Variants in AKAP8L observed in about 807,000 individuals in gnomAD.
AKAP8L encodes the protein A-kinase anchoring protein 8 like, also known as A-kinase anchor protein 8-like.
Under a neutral mutation model 77.5 loss-of-function variants are expected in AKAP8L, and 34 were observed. The ratio of observed to expected loss-of-function variants is 0.44; its 90% CI spans 0.33 to 0.58. The LOEUF is 0.58. AKAP8L is among the 20% of genes least tolerant of loss of function. The pLI is 0.02. For missense variants in AKAP8L, 806 were observed against 887.6 expected (o/e 0.91, Z 1.17); for synonymous variants, 342 against 340.7 (o/e 1.00, Z -0.04).
chr19:15,387,435 A>G (rs1220957550), intron 12 of AKAP8L, among the ~76,000 whole-genome samples: 2 of 152,026 alleles, frequency 1.3e-5, no homozygotes, highest in Non-Finnish European at 2.9e-5. Flanking sequence ...TTAAAAGGAC[A>G]TTGATAGCTT....
chr19:15,385,107 A>G (rs1235596175), intron 12 of AKAP8L, among the ~76,000 whole-genome samples: 1 of 151,922 alleles, frequency 6.6e-6, no homozygotes, highest in Non-Finnish European at 1.5e-5. Flanking sequence ...CCTCCCAAGT[A>G]GCTGGGACTA....
chr19:15,397,897 C>T lies in AKAP8L; in HGVS notation c.1158-42G>A. ...ACGAGGGGCTGAGGCTGCAAGTGTC[C>T]CAGGGGATAGTGCTGCCGCCTCACC... On this transcript the variant is annotated intron_variant, in intron 9 of 13. Transcript: ENST00000397410. The surrounding 1 kb of genome is among the most constrained non-coding windows in gnomAD (Gnocchi z 4.7). 3 of 1,602,036 alleles carry T rather than the reference C, an allele frequency of 1.9e-6. No individual in the cohort carries two copies. Among genetic ancestry groups the T allele is most frequent in the Non-Finnish European group, 2.6e-6 (3 of 1,174,690 alleles).
intron 7 of AKAP8L, 100 bp downstream of exon 7, chr19:15,400,694 G>A (rs1967874521): frequency 7.2e-7 from 1 of 1,383,576 alleles, no homozygotes; most frequent in Non-Finnish European, 1.0e-6. Context: ...CATGCACGCA[G>A]AGCTGACACA....
intron 1 of AKAP8L, among the ~76,000 whole-genome samples, chr19:15,414,210 A>C (rs1023232946): frequency 4.0e-5 from 6 of 151,840 alleles, no homozygotes; most frequent in African/African-American, 1.5e-4. Flanking sequence ...GATTACAGGC[A>C]TGCGCCACTA....
In AKAP8L at chr19:15,412,789, G is replaced by A. The variant is rs183606709; in HGVS notation, c.14-2195C>T. ...GATCTCCTAACCTTGTGATCCGCCC[G>A]CCTTGGCCTCCCAAAGTGCTGGGAT... On this transcript the variant is annotated intron_variant, in intron 1 of 13. Coordinates refer to ENST00000397410, the MANE Select transcript of AKAP8L (RefSeq NM_014371.4). Among the ~76,000 whole-genome samples the A allele has an allele frequency of 4.1e-4, 62 of 152,274 alleles. 2 individuals carry two copies. In the East Asian group the frequency reaches 8.5e-3, roughly 21 times the overall value.
In AKAP8L at chr19:15,411,792, C is replaced by T. The variant is rs549134635; in HGVS notation, c.14-1198G>A. On this transcript the variant is annotated intron_variant, in intron 1 of 13. Transcript: ENST00000397410. ...TTAGGGCTGGATGCAGTGGCTCATG[C>T]CTGTACTCACAGTACTTTGGGAGGC... Among the ~76,000 whole-genome samples the T allele has an allele frequency of 3.6e-4, 55 of 152,240 alleles. No homozygotes were observed. In the East Asian group the frequency reaches 0.01, roughly 29 times the overall value.
intron 4 of AKAP8L, among the ~76,000 whole-genome samples, chr19:15,402,023 G>T (rs917177432): frequency 2.0e-5 from 3 of 152,202 alleles, no homozygotes; most frequent in Admixed American, 6.5e-5. Flanking sequence ...CAATGAATGC[G>T]CAGCCAGTGA....
At position 15,401,418 on chromosome 19, in the gene AKAP8L, C is replaced by T. The variant is rs1208585871; in HGVS notation, c.548G>A (p.Trp183Ter). Residue 183 changes from tryptophan to a stop codon, truncating the protein, a stop_gained, in exon 5 of 14, where the codon TGG becomes TAG. Transcript: ENST00000397410. LOFTEE classifies it high-confidence loss of function. The surrounding 1 kb of genome is among the most constrained non-coding windows in gnomAD (Gnocchi z 6.2). ...CCGGCCGCTCCGGGCATCCCGGGCC[C>T]AGCCCTGTGCCCTGGGACCGAAGGT... is the stretch of plus-strand genomic sequence containing the variant. Reference protein sequence around the residue: ...NDTFGPRAQGWARDARSGRPM... With the variant: ...NDTFGPRAQG The T allele has an allele frequency of 6.2e-7, 1 of 1,613,332 alleles. No homozygotes were observed. Among genetic ancestry groups the T allele is most frequent in the Non-Finnish European group, 8.5e-7 (1 of 1,179,890 alleles).
chr19:15,381,548 T>A (rs1396744538), intron 12 of AKAP8L, among the ~76,000 whole-genome samples: 1 of 152,188 alleles, frequency 6.6e-6, no homozygotes, highest in Non-Finnish European at 1.5e-5. Flanking sequence ...GAGAGCCCAT[T>A]GAGTCCTTCC....
intron 1 of AKAP8L, among the ~76,000 whole-genome samples, chr19:15,416,540 T>C (rs543404005): frequency 6.6e-6 from 1 of 152,326 alleles, no homozygotes; most frequent in South Asian, 2.1e-4. Context: ...ACCTCCAGCC[T>C]CAGTCAGGCT....
At position 15,385,840 on chromosome 19, in the gene AKAP8L, C is replaced by T. The variant is rs543305085; in HGVS notation, c.1537-5228G>A. Among the ~76,000 whole-genome samples the T allele has an allele frequency of 2.0e-5, 3 of 152,092 alleles. No individual in the cohort carries two copies. In the South Asian group the frequency reaches 6.2e-4, roughly 32 times the overall value. Reference sequence around the variant, plus strand: ...TCTTGAACTCCTGGGCTCAAATGATCCTCCCACCTCAGTCTCCCCAAGTGC... The same window carrying T: ...TCTTGAACTCCTGGGCTCAAATGATTCTCCCACCTCAGTCTCCCCAAGTGC... On this transcript the variant is annotated intron_variant, in intron 12 of 13. Transcript: ENST00000397410.
intron 12 of AKAP8L, among the ~76,000 whole-genome samples, chr19:15,395,984 A>AAAAAAAAAAAG (rs1967766105): frequency 7.9e-5 from 2 of 25,444 alleles, no homozygotes; most frequent in Admixed American, 9.4e-4. Flanking sequence ...ACTCCGTCTC[A>AAAAAAAAAAAG]AAAAAAAAAA....
chr19:15,395,761 G>C (rs1301097668), intron 12 of AKAP8L, among the ~76,000 whole-genome samples: 1 of 146,346 alleles, frequency 6.8e-6, no homozygotes, highest in South Asian at 2.1e-4. Context: ...GAGGCGGGCG[G>C]ATCACGAGGT....
rs886191098 is a variant in AKAP8L, at chr19:15,398,842, G to A, written c.1157+460C>T. 1.9e-5 allele frequency: 19 copies of A among 1,011,390 alleles called. No homozygotes were observed. In the East Asian group the frequency reaches 1.6e-3, roughly 83 times the overall value. The allele number at this position is 1,011,390 out of a possible 1,614,324, so 62.7% of individuals were successfully genotyped here. ...AGGCCCGGCCTGACAGGGCCGGCGG[G>A]CAGGGCAGAAGGCAGGCCCGAGGCT... On this transcript the variant is annotated intron_variant, in intron 9 of 13. Coordinates refer to ENST00000397410, the MANE Select transcript of AKAP8L (RefSeq NM_014371.4). This position sits in a 1 kb window ranked among gnomAD's most constrained non-coding sequence, Gnocchi z 9.2.
chr19:15,397,756 G>A lies in AKAP8L; in HGVS notation c.1257C>T (p.Tyr419=), dbSNP rs745492390. The A allele has an allele frequency of 2.6e-5, 42 of 1,613,898 alleles. No homozygotes were observed. The South Asian group carries it at 3.2e-4, about 12-fold the overall frequency. Residue 419 remains tyrosine, a synonymous_variant, in exon 10 of 14, where the codon TAC becomes TAT. Transcript: ENST00000397410. The surrounding 1 kb of genome is among the most constrained non-coding windows in gnomAD (Gnocchi z 4.7). The part of the protein sequence containing the change: ...DSKFHKEHFK[Y]VGTKLPKQTA... ...TCTGCTTAGGGAGCTTGGTGCCTAC[G>A]TACTTAAAGTGTTCCTTGTGGAACT...
In AKAP8L at chr19:15,403,912, C is replaced by T; in HGVS notation, c.121+98G>A. On this transcript the variant is annotated intron_variant, in intron 3 of 13. Coordinates refer to ENST00000397410, the MANE Select transcript of AKAP8L (RefSeq NM_014371.4). The surrounding 1 kb of genome is among the most constrained non-coding windows in gnomAD (Gnocchi z 4.3). ...GTAGGTAACCCCAGAAACATGCCCC[C>T]TCCCCACTCCCAACCTTGGCCAAGC... is the stretch of plus-strand genomic sequence containing the variant. 6.9e-7 allele frequency: 1 copy of T among 1,440,552 alleles called. No individual in the cohort carries two copies. The highest frequency in any genetic ancestry group is 9.7e-7 in the Non-Finnish European group (1 of 1,034,546). The allele number at this position is 1,440,552 out of a possible 1,614,324, so 89.2% of individuals were successfully genotyped here.
chr19:15,397,357 C>T lies in AKAP8L; in HGVS notation c.1406-77G>A. 5.1e-6 allele frequency: 8 copies of T among 1,565,900 alleles called. No individual in the cohort carries two copies. The highest frequency in any genetic ancestry group is 2.3e-5 in the East Asian group (1 of 43,336). Reference sequence around the variant, plus strand: ...CCAGGTGTTCGAGAAAAAAACCACACCAGCTCCTCCTCAACTCGCCCTGCC... The same window carrying T: ...CCAGGTGTTCGAGAAAAAAACCACATCAGCTCCTCCTCAACTCGCCCTGCC... On this transcript the variant is annotated intron_variant, in intron 11 of 13. Transcript: ENST00000397410. This position sits in a 1 kb window ranked among gnomAD's most constrained non-coding sequence, Gnocchi z 4.7.
intron 12 of AKAP8L, among the ~76,000 whole-genome samples, chr19:15,385,918 C>CT (rs1220218326): frequency 4.3e-3 from 426 of 99,622 alleles, no homozygotes; most frequent in African/African-American, 0.011. Flanking sequence ...TCTTTTTTTT[C>CT]TTTTTTTTTT....
chr19:15,386,783 C>T (rs975126972), intron 12 of AKAP8L, among the ~76,000 whole-genome samples: 4 of 152,160 alleles, frequency 2.6e-5, no homozygotes, highest in Non-Finnish European at 4.4e-5. Context: ...CTCAGCCTTC[C>T]GAGTAGCTGG....
Sources: allele counts gnomAD v4.1 joint callset (sites outside exome capture counted in the v4.1 genomes callset), GRCh38; gene constraint gnomAD v4.1.1; non-coding constraint Gnocchi (gnomAD v3.1); transcripts MANE v1.5; gene names NCBI Gene and HGNC (gene_info 2026-07-23, HGNC 2026-07-21).